Variants in OTULINL observed in about 807,000 individuals in gnomAD.
The protein encoded by OTULINL is inactive ubiquitin thioesterase OTULINL.
Under a neutral mutation model 43.9 loss-of-function variants are expected in OTULINL, and 42 were observed. The observed-to-expected ratio is 0.96, with a 90% confidence interval of 0.75 to 1.24. The LOEUF (loss-of-function observed/expected upper bound fraction) is 1.24. Ranked by LOEUF, OTULINL falls within the 50% of genes most tolerant of loss-of-function variation. The pLI is 0.00. For synonymous variants in OTULINL, 172 were observed against 153.6 expected, an observed-to-expected ratio of 1.12 and a Z score of -0.88; for missense variants, 411 against 426.4, an observed-to-expected ratio of 0.96 and a Z score of 0.32.
At chr5:14,601,571 T>A in intron 4 of OTULINL, 129 bp downstream of exon 4, 1 of 844,572 alleles carries the variant, frequency 1.2e-6, no homozygotes, top group Non-Finnish European at 1.8e-6. Context: ...GTAACAACTG[T>A]GGCTCTAACT....
chr5:14,586,101 A>C (rs1262692395), intron 1 of OTULINL, among the ~76,000 whole-genome samples: 1 of 152,194 alleles, frequency 6.6e-6, no homozygotes, highest in Non-Finnish European at 1.5e-5. Flanking sequence ...TATTGGATTA[A>C]TATGTTTGGT....
intron 1 of OTULINL, among the ~76,000 whole-genome samples, chr5:14,587,679 T>C (rs571839677): frequency 1.1e-4 from 17 of 152,336 alleles, no homozygotes; most frequent in African/African-American, 3.6e-4. Flanking sequence ...GCTTATTAGA[T>C]CAGTTTTATC....
Position 14,610,400 on chromosome 5 carries a change from T to G in OTULINL, c.*86T>G. 1 of 1,402,528 alleles carries G rather than the reference T, an allele frequency of 7.1e-7. No homozygotes were observed. Among genetic ancestry groups the G allele is most frequent in the South Asian group, 1.2e-5 (1 of 81,670 alleles). The allele number at this position is 1,402,528 out of a possible 1,614,324, so 86.9% of individuals were successfully genotyped here. ...CTCTCTCTGAAACCAAAGCTAGCAT[T>G]TCAGCATGGAAGGAATTAGGACCTT... On this transcript the variant is annotated 3_prime_UTR_variant, in exon 8 of 8. Transcript: ENST00000274217.
intron 1 of OTULINL, among the ~76,000 whole-genome samples, chr5:14,589,787 A>G (rs1306638002): frequency 6.6e-6 from 1 of 152,128 alleles, no homozygotes; most frequent in East Asian, 1.9e-4. Flanking sequence ...CCCTATTTCT[A>G]CTGAAAATAC....
chr5:14,606,510 C>T (rs1010323813), intron 5 of OTULINL, among the ~76,000 whole-genome samples: 3 of 152,232 alleles, frequency 2.0e-5, no homozygotes, highest in East Asian at 1.9e-4. Flanking sequence ...ATGGATTAGA[C>T]TCTTACATAC....
chr5:14,585,440 G>A (rs756727343), intron 1 of OTULINL, among the ~76,000 whole-genome samples: 2 of 151,920 alleles, frequency 1.3e-5, no homozygotes, highest in Non-Finnish European at 2.9e-5. Context: ...AACTTTTTTG[G>A]TACCAAGTAT....
Position 14,602,197 on chromosome 5 carries a change from A to C in OTULINL, c.363A>C (p.Leu121=). ...TATTTTATTAGGCTTATGAGGAGCTATTTTGGCGGCATCACATTAAATGTG... is the reference window on the plus strand; with the variant it reads ...TATTTTATTAGGCTTATGAGGAGCTCTTTTGGCGGCATCACATTAAATGTG... The part of the protein sequence containing the change: ...NKLMRKAYEE[L]FWRHHIKCVR... Residue 121 remains leucine (L), a synonymous_variant, in exon 5 of 8, where the codon CTA becomes CTC. Transcript: ENST00000274217. 6.2e-7 allele frequency: 1 copy of C among 1,606,640 alleles called. No homozygotes were observed. The highest frequency in any genetic ancestry group is 8.5e-7 in the Non-Finnish European group (1 of 1,176,882).
Position 14,614,807 on chromosome 5 carries a change from T to A in OTULINL, c.*4493T>A. The A allele has an allele frequency of 2.5e-6, 1 of 398,612 alleles. No homozygotes were observed. Among genetic ancestry groups the A allele is most frequent in the Non-Finnish European group, 4.4e-6 (1 of 226,066 alleles). The allele number at this position is 398,612 out of a possible 1,614,324, so 24.7% of individuals were successfully genotyped here. On this transcript the variant is annotated 3_prime_UTR_variant, in exon 8 of 8. Coordinates refer to ENST00000274217, the MANE Select transcript of OTULINL (RefSeq NM_019018.3). ...AGAATGCTAAAGTTATAATCCTAGC[T>A]GGTGTCTCGTTCTGTTTAAAAAAAT...
At position 14,613,207 on chromosome 5, in the gene OTULINL, C is replaced by T. The variant is rs568573969; in HGVS notation, c.*2893C>T. ...AAAGTGCTGGGATTACGGGTGTGAG[C>T]CACTGCGCCCGGCCCTAACAATTTT... On this transcript the variant is annotated 3_prime_UTR_variant, in exon 8 of 8. Coordinates refer to ENST00000274217, the MANE Select transcript of OTULINL (RefSeq NM_019018.3). Among the ~76,000 whole-genome samples, 5 of 152,338 alleles carry T rather than the reference C, an allele frequency of 3.3e-5. No individual in the cohort carries two copies. The highest frequency in any genetic ancestry group is 9.6e-5 in the African/African-American group (4 of 41,574).
chr5:14,600,936 T>C lies in OTULINL; in HGVS notation c.65-29T>C, dbSNP rs770456164. On this transcript the variant is annotated intron_variant, in intron 1 of 7. Transcript: ENST00000274217. Reference sequence around the variant, plus strand: ...AACTTGTGTAATTGTGATGTGCTTTTTTTTTTTTTTTTTTTGTAATTTTCA... The same window carrying C: ...AACTTGTGTAATTGTGATGTGCTTTCTTTTTTTTTTTTTTTGTAATTTTCA... 8.2e-5 allele frequency: 58 copies of C among 710,128 alleles called. No homozygotes were observed. In the East Asian group the frequency reaches 1.8e-3, roughly 22 times the overall value. 44.0% of individuals were successfully genotyped at this position (710,128 alleles called of 1,614,324 possible). A position where few individuals can be genotyped will look rare whatever the true frequency, so the allele number is the denominator to read the frequency against.
intron 1 of OTULINL, among the ~76,000 whole-genome samples, chr5:14,595,543 G>C (rs1028302160): frequency 1.4e-5 from 2 of 144,852 alleles, no homozygotes; most frequent in Non-Finnish European, 3.0e-5. Context: ...TGTGTATTTG[G>C]TTTCCTGTTT....
chr5:14,608,088 A>T (rs1759512631), intron 6 of OTULINL, among the ~76,000 whole-genome samples: 1 of 152,238 alleles, frequency 6.6e-6, no homozygotes, highest in Non-Finnish European at 1.5e-5. Context: ...TATTCTGTGG[A>T]ATATCCTTTG....
intron 1 of OTULINL, among the ~76,000 whole-genome samples, chr5:14,582,665 A>T (rs2126766261): frequency 6.6e-6 from 1 of 151,876 alleles, no homozygotes; most frequent in African/African-American, 2.4e-5. Flanking sequence ...AATACAAAAA[A>T]TTATCCGGGC....
chr5:14,586,863 C>T (rs377023069), intron 1 of OTULINL, among the ~76,000 whole-genome samples: 53 of 151,326 alleles, frequency 3.5e-4, no homozygotes, highest in African/African-American at 1.1e-3. Flanking sequence ...AAACATCAAG[C>T]GTTCACTGTT....
At chr5:14,602,859 C>T (rs1289910804) in intron 5 of OTULINL, among the ~76,000 whole-genome samples, 1 of 152,134 alleles carries the variant, frequency 6.6e-6, no homozygotes, top group East Asian at 1.9e-4. Flanking sequence ...TCTTGAGGGG[C>T]ATCTGTTCTT....
At chr5:14,607,751 G>C (rs891417110) in intron 6 of OTULINL, among the ~76,000 whole-genome samples, 1 of 152,162 alleles carries the variant, frequency 6.6e-6, no homozygotes, top group Non-Finnish European at 1.5e-5. Flanking sequence ...AAAATGTGGT[G>C]CAAGTCCAGG....
chr5:14,601,365 G>A lies in OTULINL; in HGVS notation c.271G>A (p.Glu91Lys), dbSNP rs1410056599. Residue 91 changes from glutamate (E) to lysine (K), a missense_variant, in exon 4 of 8, where the codon GAG (glutamate) becomes AAG (lysine). By Grantham distance (56) the Glu-to-Lys change is moderately conservative. Transcript: ENST00000274217. ...QRKFKRNLSV[E>K]AEVDLLSYCA... ...ATTTGGTCCAGGGAACCTCAGTGTG[G>A]AGGCAGAGGTTGATTTACTCAGTTA... is the stretch of plus-strand genomic sequence containing the variant. The A allele has an allele frequency of 3.7e-6, 6 of 1,613,910 alleles. No individual in the cohort carries two copies. Among genetic ancestry groups the A allele is most frequent in the Non-Finnish European group, 5.1e-6 (6 of 1,179,960 alleles).
intron 1 of OTULINL, among the ~76,000 whole-genome samples, chr5:14,586,875 C>CA (rs768331767): frequency 0.017 from 2,397 of 138,404 alleles, 40 homozygotes; most frequent in African/African-American, 0.046. Flanking sequence ...TTCACTGTTT[C>CA]AAAAAAAAAA....
chr5:14,614,661 GTGTACACCA>G lies in OTULINL; in HGVS notation c.*4351_*4359del. The G allele has an allele frequency of 7.5e-6, 3 of 398,658 alleles. No homozygotes were observed. The highest frequency in any genetic ancestry group is 1.3e-5 in the Non-Finnish European group (3 of 226,072). 24.7% of individuals were successfully genotyped at this position (398,658 alleles called of 1,614,324 possible). A position where few individuals can be genotyped will look rare whatever the true frequency, so the allele number is the denominator to read the frequency against. On this transcript the variant is annotated 3_prime_UTR_variant, in exon 8 of 8. Transcript: ENST00000274217. ...GGAGTGCTCTGTAGAACAGCCCGAAGTGTACACCATGTCTCTGCACTTGAAGCTCATGGA... is the reference window on the plus strand; with the variant it reads ...GGAGTGCTCTGTAGAACAGCCCGAAGTGTCTCTGCACTTGAAGCTCATGGA...
Sources: gnomAD v4.1 joint callset for allele counts (sites outside exome capture counted in the v4.1 genomes callset) on GRCh38, gnomAD v4.1.1 for gene constraint, MANE v1.5 for transcripts, NCBI Gene and HGNC (gene_info 2026-07-23, HGNC 2026-07-21) for gene names.